HNRNPAB: variants seen among roughly 807,000 people sequenced by gnomAD.
The protein encoded by HNRNPAB is heterogeneous nuclear ribonucleoprotein A/B.
In HNRNPAB, 17 loss-of-function variants were observed where a neutral mutation model predicts 44.1. That is an observed-to-expected ratio of 0.39 (90% CI 0.26 to 0.58). The LOEUF (loss-of-function observed/expected upper bound fraction) is 0.58. Among genes scored for constraint, HNRNPAB ranks in the 20% least tolerant of loss-of-function variants. The pLI is 0.63. For synonymous variants in HNRNPAB, 183 were observed against 167.6 expected, an observed-to-expected ratio of 1.09 and a Z score of -0.71; for missense variants, 393 against 432.7, an observed-to-expected ratio of 0.91 and a Z score of 0.81.
intron 5 of HNRNPAB, 38 bp downstream of exon 5, chr5:178,207,263 C>T (rs1757108022): frequency 1.2e-6 from 2 of 1,610,718 alleles, no homozygotes; most frequent in Non-Finnish European, 1.7e-6. Context: ...TCCTGTGCTG[C>T]TGGAGAGCTG....
Position 178,206,768 on chromosome 5 carries a change from G to A in HNRNPAB, c.415G>A (p.Val139Ile), listed in dbSNP as rs1341972349. ...DQKEHRLDGRVIDPKKAMAMK... is the reference protein window; with the variant it reads ...DQKEHRLDGRIIDPKKAMAMK... The stretch of plus-strand genomic sequence containing the variant: ...GAAGGAGCACAGGCTGGATGGCCGT[G>A]TCATTGACCCTAAAAAGGCCATGGC... Residue 139 changes from valine (V) to isoleucine (I), a missense_variant, in exon 4 of 8, where the codon GTC becomes ATC. Transcript: ENST00000358344. 6.2e-7 allele frequency: 1 copy of A among 1,614,130 alleles called. No individual in the cohort carries two copies. Among genetic ancestry groups the A allele is most frequent in the Non-Finnish European group, 8.5e-7 (1 of 1,180,032 alleles).
intron 6 of HNRNPAB, 85 bp downstream of exon 6, chr5:178,209,532 T>G (rs1757524547): frequency 8.5e-7 from 1 of 1,176,740 alleles, no homozygotes. Context: ...CCTCTGGTGC[T>G]GTGCAGCAGG....
Position 178,204,578 on chromosome 5 carries a change from G to A in HNRNPAB, c.-186G>A, listed in dbSNP as rs996455643. ...ACGGAGCTTGGCTGTTGGTCGGTGG[G>A]TTCCCGTGCGGCGGCGGCCAAGGAG... On this transcript the variant is annotated 5_prime_UTR_variant, in exon 1 of 8. Transcript: ENST00000358344. 2 of 239,936 alleles carry A rather than the reference G, an allele frequency of 8.3e-6. No homozygotes were observed. Among genetic ancestry groups the A allele is most frequent in the African/African-American group, 4.6e-5 (2 of 43,658 alleles). 14.9% of individuals were successfully genotyped at this position (239,936 alleles called of 1,614,324 possible).
At chr5:178,206,276 A>G (rs546652514) in intron 3 of HNRNPAB, among the ~76,000 whole-genome samples, 1 of 152,338 alleles carries the variant, frequency 6.6e-6, no homozygotes, top group South Asian at 2.1e-4. Flanking sequence ...ACGGCGCTAA[A>G]CATCTGGGAG....
At chr5:178,205,669 C>A in intron 2 of HNRNPAB, 173 bp from the exon 3 acceptor site, 1 of 623,832 alleles carries the variant, frequency 1.6e-6, no homozygotes. Flanking sequence ...TCGTTAGGGT[C>A]CTGGTTGAGT....
chr5:178,205,805 A>T (rs779408741), intron 2 of HNRNPAB, 37 bp from the exon 3 acceptor site: 25 of 1,596,458 alleles, frequency 1.6e-5, no homozygotes, highest in Non-Finnish European at 2.1e-5. Context: ...GCTTGCTTAC[A>T]AGACTTGTTG....
rs747332559 is a variant in HNRNPAB, at chr5:178,209,318, C to T, written c.670-12C>T. 6.2e-7 allele frequency: 1 copy of T among 1,612,752 alleles called. No individual in the cohort carries two copies. The highest frequency in any genetic ancestry group is 8.5e-7 in the Non-Finnish European group (1 of 1,178,732). Reference sequence around the variant, plus strand: ...GTCCTACTGGCCTGACCACTGTCCTCTTGACTTTTAGTGTGAGATCAAGGT... The same window carrying T: ...GTCCTACTGGCCTGACCACTGTCCTTTTGACTTTTAGTGTGAGATCAAGGT... On this transcript the variant is annotated splice_polypyrimidine_tract_variant and intron_variant, in intron 5 of 7. Transcript: ENST00000358344.
intron 3 of HNRNPAB, 64 bp from the exon 4 acceptor site, chr5:178,206,668 T>G (rs1286405880): frequency 6.6e-7 from 1 of 1,516,968 alleles, no homozygotes; most frequent in African/African-American, 1.4e-5. Flanking sequence ...CTTTATGGCT[T>G]AGAGAGAAGG....
At position 178,205,898 on chromosome 5, in the gene HNRNPAB, A is replaced by G. The variant is rs1561660648; in HGVS notation, c.266A>G (p.Tyr89Cys). 8.1e-6 allele frequency: 13 copies of G among 1,614,094 alleles called. No homozygotes were observed. Among genetic ancestry groups the G allele is most frequent in the Non-Finnish European group, 3.4e-6 (4 of 1,179,948 alleles). The stretch of plus-strand genomic sequence containing the variant: ...ACTAGCAAAAAAGATTTAAAAGACT[A>G]TTTTACTAAATTTGGAGAGGTCGTT... Reference protein sequence around the residue: ...WDTSKKDLKDYFTKFGEVVDC... With the variant: ...WDTSKKDLKDCFTKFGEVVDC... The change falls in exon 3 of 8, where the codon TAT (tyrosine) becomes TGT (cysteine). Residue 89 changes from tyrosine (Y) to cysteine (C), a missense_variant. Physicochemically the swap from Tyr to Cys is radical, Grantham distance 194 (BLOSUM62 -2). This residue lies in a region of HNRNPAB where 102 missense variants were observed against 162.3 expected (regional missense o/e 0.63). Transcript: ENST00000358344.
chr5:178,210,905 T>G lies in HNRNPAB; in HGVS notation c.*282T>G. On this transcript the variant is annotated 3_prime_UTR_variant, in exon 8 of 8. Coordinates refer to ENST00000358344, the MANE Select transcript of HNRNPAB (RefSeq NM_031266.3). ...GGGAGGCTCTGCTTCCTGCTGCCGC[T>G]CTGCAGCCTGGACCTGTGGACCCTG... 1 of 496,864 alleles carries G rather than the reference T, an allele frequency of 2.0e-6. No homozygotes were observed. Among genetic ancestry groups the G allele is most frequent in the South Asian group, 2.4e-5 (1 of 40,868 alleles). 30.8% of individuals were successfully genotyped at this position (496,864 alleles called of 1,614,324 possible). A position where few individuals can be genotyped will look rare whatever the true frequency, so the allele number is the denominator to read the frequency against.
intron 3 of HNRNPAB, among the ~76,000 whole-genome samples, 173 bp downstream of exon 3, chr5:178,206,183 A>C (rs563954750): frequency 1.3e-5 from 2 of 152,324 alleles, no homozygotes; most frequent in African/African-American, 4.8e-5. Context: ...AATACAGATT[A>C]AGCTGGGAGT....
intron 5 of HNRNPAB, chr5:178,208,708 C>G (rs897147656): frequency 6.6e-6 from 1 of 152,418 alleles, no homozygotes; most frequent in African/African-American, 2.4e-5. Flanking sequence ...CATTCCACCC[C>G]CAGTGGACAG....
chr5:178,207,064 TG>T, intron 4 of HNRNPAB, 29 bp from the exon 5 acceptor site: 1 of 1,613,158 alleles, frequency 6.2e-7, no homozygotes, highest in Non-Finnish European at 8.5e-7. Flanking sequence ...AGGGAGGTAT[TG>T]GGCCTGAGTT....
Position 178,206,879 on chromosome 5 carries a change from G to A in HNRNPAB, c.526G>A (p.Glu176Lys), listed in dbSNP as rs1003530203. 2.5e-6 allele frequency: 4 copies of A among 1,614,136 alleles called. No homozygotes were observed. Among genetic ancestry groups the A allele is most frequent in the South Asian group, 1.1e-5 (1 of 91,074 alleles). ...TEEKIREYFGEFGEIEAIELP... is the reference protein window; with the variant it reads ...TEEKIREYFGKFGEIEAIELP... The stretch of plus-strand genomic sequence containing the variant: ...GGAAAAGATCAGGGAGTACTTTGGC[G>A]AGTTTGGGGAGGTGAGTGTGGCTCT... Residue 176 changes from glutamate (E) to lysine (K), a missense_variant, in exon 4 of 8, where the codon GAG becomes AAG. By Grantham distance (56) the Glu-to-Lys change is moderately conservative. Transcript: ENST00000358344.
At position 178,210,698 on chromosome 5, in the gene HNRNPAB, A is replaced by AT. The variant is rs1391831526; in HGVS notation, c.*78dup. ...TGGAGTGAACACAATTATGTACCAA[A>AT]TTTAACTTGGCAAACTTTCTATTGC... On this transcript the variant is annotated 3_prime_UTR_variant, in exon 8 of 8. Coordinates refer to ENST00000358344, the MANE Select transcript of HNRNPAB (RefSeq NM_031266.3). 1 of 1,217,540 alleles carries AT rather than the reference A, an allele frequency of 8.2e-7. No homozygotes were observed. Among genetic ancestry groups the AT allele is most frequent in the Non-Finnish European group, 1.2e-6 (1 of 824,148 alleles). The allele number at this position is 1,217,540 out of a possible 1,614,324, so 75.4% of individuals were successfully genotyped here.
Position 178,210,448 on chromosome 5 carries a change from C to A in HNRNPAB, c.929-105C>A, listed in dbSNP as rs1757880058. On this transcript the variant is annotated intron_variant, in intron 7 of 7. Transcript: ENST00000358344. ...GTCTTAATAACATGAGGAAGGCAGT[C>A]TCTGCTGTCACGGCTGGTGAGGGTC... 4 of 1,486,192 alleles carry A rather than the reference C, an allele frequency of 2.7e-6. No homozygotes were observed. The Admixed American group carries it at 5.3e-5, about 20-fold the overall frequency. 92.1% of individuals were successfully genotyped at this position (1,486,192 alleles called of 1,614,324 possible).
intron 6 of HNRNPAB, 45 bp downstream of exon 6, chr5:178,209,492 A>AT: frequency 6.5e-7 from 1 of 1,532,564 alleles, no homozygotes; most frequent in East Asian, 2.3e-5. Flanking sequence ...CCCTGCCTAC[A>AT]TGGAGCCTTC....
Position 178,210,122 on chromosome 5 carries a change from C to A in HNRNPAB, c.788-10C>A. The A allele has an allele frequency of 1.9e-6, 3 of 1,613,710 alleles. No homozygotes were observed. Among genetic ancestry groups the A allele is most frequent in the Non-Finnish European group, 2.5e-6 (3 of 1,179,826 alleles). ...GGTCCACGGGCCCCTGTGCCCTGCT[C>A]CCCCCACAGGTCAGAGTCAGAGTTG... On this transcript the variant is annotated splice_polypyrimidine_tract_variant and intron_variant, in intron 6 of 7. Transcript: ENST00000358344.
chr5:178,205,086 TC>T (rs1472609053), intron 2 of HNRNPAB, 40 bp downstream of exon 2: 5 of 1,182,086 alleles, frequency 4.2e-6, no homozygotes. Context: ...CCGCCTTTGT[TC>T]CGGGGCCGCC....
Sources: gnomAD v4.1 joint callset for allele counts (sites outside exome capture counted in the v4.1 genomes callset) on GRCh38, gnomAD v4.1.1 for gene constraint, gnomAD v4.1.1 regional missense constraint, MANE v1.5 for transcripts, NCBI Gene and HGNC (gene_info 2026-07-23, HGNC 2026-07-21) for gene names.